The following PJVK variants were observed in gnomAD, a reference collection of about 807,000 sequenced individuals.
PJVK encodes the protein pejvakin.
PJVK carries 33 observed loss-of-function variants against 37.6 expected under a neutral mutation model. The observed-to-expected ratio is 0.88, with a 90% CI of 0.67 to 1.17. The LOEUF (loss-of-function observed/expected upper bound fraction) is 1.17, where lower values mean the gene tolerates loss of function less well. Among genes scored for constraint, PJVK ranks in the 50% most tolerant of loss-of-function variants. The pLI is 0.00. For synonymous variants in PJVK, 141 were observed against 143.5 expected (o/e 0.98, Z 0.13); for missense variants, 410 against 413.8 (o/e 0.99, Z 0.08).
At chr2:178,458,170 G>A (rs1575121037) in intron 4 of PJVK, among the ~76,000 whole-genome samples, 1 of 151,742 alleles carries the variant, frequency 6.6e-6, no homozygotes, top group East Asian at 1.9e-4. Flanking sequence ...AGACAGGCTA[G>A]GCTGAAAACT....
In PJVK at chr2:178,461,352, T is replaced by A; in HGVS notation, c.*78T>A. 6.6e-7 allele frequency: 1 copy of A among 1,517,614 alleles called. No individual in the cohort carries two copies. The highest frequency in any genetic ancestry group is 9.0e-7 in the Non-Finnish European group (1 of 1,105,582). The allele number at this position is 1,517,614 out of a possible 1,614,324, so 94.0% of individuals were successfully genotyped here. A position where few individuals can be genotyped will look rare whatever the true frequency, so the allele number is the denominator to read the frequency against. On this transcript the variant is annotated 3_prime_UTR_variant, in exon 7 of 7. Transcript: ENST00000644580. ...CCTTCCCTAAATTATCTAGGTTTGC[T>A]TTGATGAATTAAATTAAAATGAGAA...
intron 1 of PJVK, chr2:178,452,247 C>A (rs1346843983): frequency 4.2e-6 from 4 of 945,486 alleles, no homozygotes; most frequent in South Asian, 4.9e-5. Flanking sequence ...GAGCCGAGAT[C>A]GCGCCACTGC....
chr2:178,454,920 C>A, intron 3 of PJVK: 1 of 907,564 alleles, frequency 1.1e-6, no homozygotes, highest in Non-Finnish European at 1.9e-6. Flanking sequence ...GAAGCCCAAC[C>A]TAGGCAACAG....
At chr2:178,460,916 C>A in intron 6 of PJVK, 66 bp from the exon 7 acceptor site, 1 of 879,860 alleles carries the variant, frequency 1.1e-6, no homozygotes, top group Non-Finnish European at 1.8e-6. Context: ...TTTATTAATG[C>A]TGTTTGCATT....
In PJVK at chr2:178,451,589, C is replaced by CT. The variant is rs1057444147; in HGVS notation, c.-202dup. The CT allele has an allele frequency of 1.3e-5, 2 of 156,110 alleles. No homozygotes were observed. The highest frequency in any genetic ancestry group is 2.8e-5 in the Non-Finnish European group (2 of 71,378). The allele number at this position is 156,110 out of a possible 1,614,324, so 9.7% of individuals were successfully genotyped here. A position where few individuals can be genotyped will look rare whatever the true frequency, so the allele number is the denominator to read the frequency against. ...TTACGAAGGCAGAATTCCAGGGAGTCTCCCGGGCCTGGTCCTGAAGCTTGA... is the reference window on the plus strand; with the variant it reads ...TTACGAAGGCAGAATTCCAGGGAGTCTTCCCGGGCCTGGTCCTGAAGCTTGA... On this transcript the variant is annotated 5_prime_UTR_variant, in exon 1 of 7. Transcript: ENST00000644580.
At position 178,456,139 on chromosome 2, in the gene PJVK, G is replaced by C; in HGVS notation, c.537G>C (p.Gly179=). The C allele has an allele frequency of 6.2e-7, 1 of 1,613,974 alleles. No individual in the cohort carries two copies. Among genetic ancestry groups the C allele is most frequent in the Non-Finnish European group, 8.5e-7 (1 of 1,179,958 alleles). ...TGTCTGTGCATGCTGGAATTCGAGG[G>C]GAAGCAATGCGGGTAAACCACACTT... is the stretch of plus-strand genomic sequence containing the variant. The part of the protein sequence containing the change: ...CSLSVHAGIR[G]EAMRFHFMDE... Residue 179 remains glycine, a synonymous_variant, in exon 4 of 7, where the codon GGG becomes GGC. Coordinates refer to ENST00000644580, the MANE Select transcript of PJVK (RefSeq NM_001042702.5).
chr2:178,460,776 G>A (rs1384842573), intron 6 of PJVK, among the ~76,000 whole-genome samples: 1 of 149,560 alleles, frequency 6.7e-6, no homozygotes, highest in African/African-American at 2.5e-5. Flanking sequence ...TTGAGCGTGG[G>A]AGGCGGAGGT....
intron 5 of PJVK, chr2:178,459,884 A>G (rs1575123420): frequency 6.0e-6 from 1 of 166,898 alleles, no homozygotes; most frequent in Admixed American, 5.9e-5. Flanking sequence ...TGGAAACAAC[A>G]TTAAGGAGAC....
intron 4 of PJVK, 37 bp downstream of exon 4, chr2:178,456,188 G>A (rs1684070132): frequency 6.2e-7 from 1 of 1,607,022 alleles, no homozygotes; most frequent in African/African-American, 1.3e-5. Context: ...ACTAACTAAA[G>A]TGTTGCCATG....
intron 5 of PJVK, 98 bp downstream of exon 5, chr2:178,458,725 G>A: frequency 9.7e-7 from 1 of 1,027,694 alleles, no homozygotes; most frequent in Non-Finnish European, 1.5e-6. Flanking sequence ...CATTTCTCGT[G>A]TCTAACAATT....
chr2:178,456,241 T>A, intron 4 of PJVK, 90 bp downstream of exon 4: 1 of 1,523,326 alleles, frequency 6.6e-7, no homozygotes, highest in Non-Finnish European at 8.9e-7. Context: ...GCTTGTGTAT[T>A]TTGTGAAATG....
At chr2:178,455,143 C>A in intron 3 of PJVK, 1 of 1,600,814 alleles carries the variant, frequency 6.2e-7, no homozygotes, top group Non-Finnish European at 8.6e-7. Flanking sequence ...TCATTGAGGA[C>A]GGCAAGGTGG....
intron 5 of PJVK, chr2:178,459,240 A>G (rs2154126249): frequency 2.1e-6 from 1 of 471,592 alleles, no homozygotes; most frequent in Non-Finnish European, 4.4e-6. Flanking sequence ...GTGTAGCCCA[A>G]GGGATCAGGA....
Position 178,461,496 on chromosome 2 carries a change from A to T in PJVK, c.*222A>T. Reference sequence around the variant, plus strand: ...AATTAATAACATTGTTTATATCAAAAAAGATTTACATATAAAATTCAGAGA... The same window carrying T: ...AATTAATAACATTGTTTATATCAAATAAGATTTACATATAAAATTCAGAGA... On this transcript the variant is annotated 3_prime_UTR_variant, in exon 7 of 7. Transcript: ENST00000644580. 2.0e-6 allele frequency: 1 copy of T among 503,966 alleles called. No homozygotes were observed. The highest frequency in any genetic ancestry group is 3.5e-6 in the Non-Finnish European group (1 of 285,604). The allele number at this position is 503,966 out of a possible 1,614,324, so 31.2% of individuals were successfully genotyped here.
chr2:178,456,985 T>C (rs1021684200), intron 4 of PJVK, among the ~76,000 whole-genome samples: 1 of 152,214 alleles, frequency 6.6e-6, no homozygotes, highest in Admixed American at 6.5e-5. Flanking sequence ...GATTTTTTTT[T>C]TGAGACGGAG....
chr2:178,457,939 C>T (rs1011561489), intron 4 of PJVK, among the ~76,000 whole-genome samples: 5 of 152,168 alleles, frequency 3.3e-5, no homozygotes, highest in African/African-American at 1.2e-4. Context: ...TCAGTGACAC[C>T]TAATAATGAC....
Position 178,458,608 on chromosome 2 carries a change from A to G in PJVK, c.648A>G (p.Ile216Met), listed in dbSNP as rs368930371. The change falls in exon 5 of 7, where the codon ATA (isoleucine) becomes ATG (methionine). Residue 216 changes from isoleucine to methionine, a missense_variant. Coordinates refer to ENST00000644580, the MANE Select transcript of PJVK (RefSeq NM_001042702.5). ...CTTTCAGTGTTTTTGAACTCTTCAT[A>G]TACCTGGATGGTGCCTTTGGTGAGT... is the stretch of plus-strand genomic sequence containing the variant. ...TIAFSVFELF[I>M]YLDGAFDLCV... is the part of the protein sequence containing the mutation. The G allele has an allele frequency of 1.9e-6, 3 of 1,613,644 alleles. No individual in the cohort carries two copies. The highest frequency in any genetic ancestry group is 2.7e-5 in the African/African-American group (2 of 74,924).
chr2:178,460,205 G>A (rs1444234153), intron 5 of PJVK, 143 bp from the exon 6 acceptor site: 4 of 711,038 alleles, frequency 5.6e-6, no homozygotes, highest in Admixed American at 4.7e-5. Flanking sequence ...TGTACCATGT[G>A]AATGTTACCT....
intron 2 of PJVK, chr2:178,453,826 C>T (rs746836535): frequency 2.0e-6 from 1 of 504,168 alleles, no homozygotes; most frequent in Non-Finnish European, 3.7e-6. Context: ...AAATAATTTT[C>T]AAATCTATCA....
Sources: allele counts gnomAD v4.1 joint callset (sites outside exome capture counted in the v4.1 genomes callset), GRCh38; gene constraint gnomAD v4.1.1; transcripts MANE v1.5; gene names NCBI Gene and HGNC (gene_info 2026-07-23, HGNC 2026-07-21).